Variants in DPF3 observed in about 807,000 individuals in gnomAD.
DPF3 encodes double PHD fingers 3, also known as zinc finger protein DPF3.
In DPF3, 18 loss-of-function variants were observed where a neutral mutation model predicts 56.8. The ratio of observed to expected loss-of-function variants is 0.32; its 90% CI spans 0.22 to 0.47. The LOEUF is 0.47. Among genes scored for constraint, DPF3 ranks in the 20% least tolerant of loss-of-function variants. The pLI, the probability that DPF3 is intolerant of heterozygous loss-of-function variation, is 1.00. For synonymous variants in DPF3, 188 were observed against 180.2 expected, an observed-to-expected ratio of 1.04 and a Z score of -0.35; for missense variants, 403 against 488.8, an observed-to-expected ratio of 0.82 and a Z score of 1.65.
chr14:72,709,792 T>C (rs979102391), intron 6 of DPF3, among the ~76,000 whole-genome samples: 6 of 152,068 alleles, frequency 3.9e-5, no homozygotes, highest in African/African-American at 1.4e-4. Flanking sequence ...AGGTCAACTG[T>C]CCCTGCCTCT....
At chr14:72,737,081 G>A (rs910086163) in intron 3 of DPF3, among the ~76,000 whole-genome samples, 3 of 151,744 alleles carry the variant, frequency 2.0e-5, no homozygotes, top group African/African-American at 7.3e-5. Context: ...GACAGCTTCT[G>A]TGCAAACCGA....
At chr14:72,704,626 T>C (rs772916851) in intron 6 of DPF3, among the ~76,000 whole-genome samples, 1 of 152,172 alleles carries the variant, frequency 6.6e-6, no homozygotes, top group Non-Finnish European at 1.5e-5. Flanking sequence ...GTTAAGACGT[T>C]TCTGCCTGGA....
intron 2 of DPF3, among the ~76,000 whole-genome samples, chr14:72,764,352 T>G (rs1175045504): frequency 1.3e-5 from 2 of 152,100 alleles, no homozygotes; most frequent in Non-Finnish European, 2.9e-5. Context: ...GTGGCTCACC[T>G]GGAGAAGGCA....
At chr14:72,791,217 A>G (rs1892416446) in intron 1 of DPF3, among the ~76,000 whole-genome samples, 1 of 151,762 alleles carries the variant, frequency 6.6e-6, no homozygotes, top group Non-Finnish European at 1.5e-5. Context: ...GTTACTAAAC[A>G]CTCCTCAGTT....
chr14:72,740,191 G>A (rs2139873504), intron 3 of DPF3, among the ~76,000 whole-genome samples: 1 of 152,338 alleles, frequency 6.6e-6, no homozygotes, highest in Admixed American at 6.5e-5. Context: ...TAGGAGACCA[G>A]CTTGGGGAGC....
intron 6 of DPF3, among the ~76,000 whole-genome samples, chr14:72,709,509 C>T (rs1296558118): frequency 1.3e-5 from 2 of 152,196 alleles, no homozygotes; most frequent in Non-Finnish European, 2.9e-5. Flanking sequence ...AATTGCCCAT[C>T]GACAGCGGCC....
At chr14:72,734,713 C>T (rs926793164) in intron 3 of DPF3, among the ~76,000 whole-genome samples, 5 of 151,948 alleles carry the variant, frequency 3.3e-5, no homozygotes, top group African/African-American at 9.7e-5. Context: ...CACCCGAGAC[C>T]CTGAAAAGTT....
chr14:72,642,674 C>G (rs550988579), intron 8 of DPF3, among the ~76,000 whole-genome samples: 2 of 152,310 alleles, frequency 1.3e-5, no homozygotes, highest in South Asian at 4.1e-4. Context: ...AGCCTGCCGT[C>G]TTCCCCTCAG....
intron 8 of DPF3, among the ~76,000 whole-genome samples, chr14:72,633,812 G>A (rs765626398): frequency 6.6e-6 from 1 of 152,182 alleles, no homozygotes; most frequent in Non-Finnish European, 1.5e-5. Context: ...TGTGCTGCAT[G>A]CATGTAGCAA....
chr14:72,793,333 G>A, intron 1 of DPF3, among the ~76,000 whole-genome samples: 1 of 152,342 alleles, frequency 6.6e-6, no homozygotes. Context: ...AGGGAGGGGA[G>A]AGACAGCTGA....
In DPF3 at chr14:72,618,246, A is replaced by G. The variant is rs1464113948; in HGVS notation, c.*1051T>C. ...TCCCAGTCAGGTCTCAGTAGACAAT[A>G]GCGAACAAACACTACGTGGAAGGAA... On this transcript the variant is annotated 3_prime_UTR_variant, in exon 11 of 11. Transcript: ENST00000556509. Among the ~76,000 whole-genome samples the G allele has an allele frequency of 2.0e-5, 3 of 152,226 alleles. No individual in the cohort carries two copies. The highest frequency in any genetic ancestry group is 7.2e-5 in the African/African-American group (3 of 41,458).
chr14:72,756,864 GA>G (rs1567222920), intron 2 of DPF3, among the ~76,000 whole-genome samples: 32 of 107,150 alleles, frequency 3.0e-4, no homozygotes, highest in African/African-American at 8.4e-4. Context: ...AAGAAAGAAA[GA>G]AAGAAAGGAA....
At chr14:72,795,293 A>ATATATATATAT (rs1317667797) in intron 1 of DPF3, among the ~76,000 whole-genome samples, 4 of 108,010 alleles carry the variant, frequency 3.7e-5, no homozygotes, top group Non-Finnish European at 7.8e-5. Flanking sequence ...AAAAAAAAAA[A>ATATATATATAT]AAATATATAT....
At position 72,616,078 on chromosome 14, in the gene DPF3, T is replaced by C. The variant is rs1420690326; in HGVS notation, c.*3219A>G. Among the ~76,000 whole-genome samples the C allele has an allele frequency of 1.3e-5, 2 of 152,180 alleles. No individual in the cohort carries two copies. The highest frequency in any genetic ancestry group is 2.9e-5 in the Non-Finnish European group (2 of 68,032). ...AGCTACCATGGAGTGGGGACCATCA[T>C]CATGCCAGACCCGGGCCAGGATCTT... On this transcript the variant is annotated 3_prime_UTR_variant, in exon 11 of 11. Transcript: ENST00000556509.
At chr14:72,813,542 C>T (rs1883154376) in intron 1 of DPF3, among the ~76,000 whole-genome samples, 2 of 152,172 alleles carry the variant, frequency 1.3e-5, no homozygotes, top group South Asian at 4.1e-4. Context: ...AATATCTCAT[C>T]CTGGCCTCCC....
At chr14:72,676,329 A>T (rs1423866877) in intron 7 of DPF3, among the ~76,000 whole-genome samples, 3 of 152,202 alleles carry the variant, frequency 2.0e-5, no homozygotes, top group Non-Finnish European at 2.9e-5. Flanking sequence ...TAGTCTCCTC[A>T]GCTGTCTCTC....
chr14:72,681,903 A>C (rs948287962), intron 7 of DPF3, among the ~76,000 whole-genome samples: 1 of 152,228 alleles, frequency 6.6e-6, no homozygotes, highest in African/African-American at 2.4e-5. Context: ...TCGGAATAGT[A>C]AGAAAAAGAC....
At chr14:72,732,853 C>T (rs906794030) in intron 3 of DPF3, among the ~76,000 whole-genome samples, 4 of 151,502 alleles carry the variant, frequency 2.6e-5, no homozygotes, top group Non-Finnish European at 4.4e-5. Flanking sequence ...CCCTCCCTCC[C>T]TCCTTTCTTT....
At chr14:72,862,316 C>A (rs1885472101) in intron 1 of DPF3, among the ~76,000 whole-genome samples, 1 of 152,118 alleles carries the variant, frequency 6.6e-6, no homozygotes, top group Non-Finnish European at 1.5e-5. Flanking sequence ...CACCTGCTGC[C>A]CTCACAGTCC....
Sources: gnomAD v4.1 joint callset for allele counts (sites outside exome capture counted in the v4.1 genomes callset) on GRCh38, gnomAD v4.1.1 for gene constraint, MANE v1.5 for transcripts, NCBI Gene and HGNC (gene_info 2026-07-23, HGNC 2026-07-21) for gene names.